CHL1: variants seen among roughly 807,000 people sequenced by gnomAD.
CHL1 encodes the protein neural cell adhesion molecule L1-like protein.
CHL1 carries 96 observed loss-of-function variants against 141.9 expected under a neutral mutation model. The observed-to-expected ratio is 0.68, with a 90% confidence interval of 0.57 to 0.80. The LOEUF (loss-of-function observed/expected upper bound fraction) is 0.80. Ranked by LOEUF, CHL1 falls within the 30% of genes least tolerant of loss-of-function variation. The pLI is 0.00. For missense variants in CHL1, 1,820 were observed against 1,457.2 expected, an observed-to-expected ratio of 1.25 and a Z score of -4.05; for synonymous variants, 613 against 502.2, an observed-to-expected ratio of 1.22 and a Z score of -2.95.
intron 2 of CHL1, among the ~76,000 whole-genome samples, chr3:299,744 C>T (rs1181093019): frequency 6.6e-6 from 1 of 152,166 alleles, no homozygotes; most frequent in African/African-American, 2.4e-5. Context: ...ACATTGTTCT[C>T]ACCTGACAGG....
intron 2 of CHL1, among the ~76,000 whole-genome samples, chr3:276,848 C>T (rs911989438): frequency 1.2e-4 from 18 of 146,454 alleles, no homozygotes; most frequent in African/African-American, 4.6e-4. Flanking sequence ...GAGATCATGC[C>T]ACTGCACTCC....
At chr3:390,126 C>G (rs1052693392) in intron 20 of CHL1, among the ~76,000 whole-genome samples, 1 of 152,176 alleles carries the variant, frequency 6.6e-6, no homozygotes, top group Non-Finnish European at 1.5e-5. Flanking sequence ...TCATTACTCA[C>G]CTGCCGTCTA....
chr3:314,264 T>A (rs73007590), intron 2 of CHL1, among the ~76,000 whole-genome samples: 2,652 of 142,800 alleles, frequency 0.019, 49 homozygotes, highest in Non-Finnish European at 0.032. Flanking sequence ...GCACCCCCAA[T>A]AGAAAGATTA....
Position 325,973 on chromosome 3 carries a change from A to G in CHL1, c.106A>G (p.Thr36Ala), listed in dbSNP as rs141761200. Residue 36 changes from threonine to alanine, a missense_variant, in exon 4 of 28, where the codon ACA becomes GCA. Transcript: ENST00000256509. ...TTAATATTTAGTTCAACAGGTTCCA[A>G]CAATCATAAAACAGTCAAAAGTCCA... ...EIPSSVQQVP[T>A]IIKQSKVQVA... The G allele has an allele frequency of 2.7e-5, 43 of 1,608,952 alleles. No homozygotes were observed. In the African/African-American group the frequency reaches 4.8e-4, roughly 18 times the overall value.
At chr3:298,726 T>C (rs1361803118) in intron 2 of CHL1, among the ~76,000 whole-genome samples, 1 of 152,072 alleles carries the variant, frequency 6.6e-6, no homozygotes, top group Non-Finnish European at 1.5e-5. Context: ...GGTCCCTTGG[T>C]GAAAAGAGAG....
At chr3:311,507 C>G (rs1446904964) in intron 2 of CHL1, among the ~76,000 whole-genome samples, 1 of 152,078 alleles carries the variant, frequency 6.6e-6, no homozygotes, top group African/African-American at 2.4e-5. Context: ...GGCTCCTGCC[C>G]ACTGGATGCA....
chr3:324,201 T>C (rs772629816), intron 3 of CHL1, among the ~76,000 whole-genome samples: 6 of 152,018 alleles, frequency 3.9e-5, no homozygotes, highest in Non-Finnish European at 7.4e-5. Flanking sequence ...AAACAGAGAG[T>C]GGTTCAGGGC....
intron 1 of CHL1, among the ~76,000 whole-genome samples, chr3:199,876 T>G (rs190823682): frequency 2.9e-4 from 44 of 152,346 alleles, no homozygotes; most frequent in African/African-American, 1.0e-3. Context: ...TGATTTAAGA[T>G]TCTTGTATTT....
Position 369,608 on chromosome 3 carries a change from G to A in CHL1, c.1751+3493G>A, listed in dbSNP as rs1365585252. Among the ~76,000 whole-genome samples, 4 of 152,116 alleles carry A rather than the reference G, an allele frequency of 2.6e-5. No homozygotes were observed. The East Asian group carries it at 7.7e-4, about 29-fold the overall frequency. On this transcript the variant is annotated intron_variant, in intron 15 of 27. Transcript: ENST00000256509. ...CTTTATTTTTTTCTTTTGCCTGATG[G>A]CCCTGGCCAGAACTTCCAATACTAT...
chr3:384,753 A>G (rs1361822155), intron 19 of CHL1: 3 of 152,236 alleles, frequency 2.0e-5, no homozygotes, highest in African/African-American at 4.8e-5. Flanking sequence ...GTGTAAACAT[A>G]GAACATTTTT....
At position 243,943 on chromosome 3, in the gene CHL1, C is replaced by T. The variant is rs1559328307; in HGVS notation, c.-174-670C>T. Among the ~76,000 whole-genome samples, 3 of 152,306 alleles carry T rather than the reference C, an allele frequency of 2.0e-5. No individual in the cohort carries two copies. The East Asian group carries it at 5.8e-4, about 29-fold the overall frequency. On this transcript the variant is annotated intron_variant, in intron 1 of 27. Transcript: ENST00000256509. ...TTTTAAAAGCATGTTCATGGGATGG[C>T]ATTCAAAAACAAGCTTAAGCAATCT...
At position 338,544 on chromosome 3, in the gene CHL1, C is replaced by A. The variant is rs575047108; in HGVS notation, c.386-2250C>A. 1.2e-4 allele frequency among the ~76,000 whole-genome samples: 18 copies of A among 151,982 alleles called. No individual in the cohort carries two copies. In the East Asian group the frequency reaches 3.5e-3, roughly 29 times the overall value. On this transcript the variant is annotated intron_variant, in intron 5 of 27. Coordinates refer to ENST00000256509, the MANE Select transcript of CHL1 (RefSeq NM_006614.4). ...GAGTGTTAAAATTTTCACTTTTTAT[C>A]GTGCCATCAAACTCACTAAATAGTT... is the stretch of plus-strand genomic sequence containing the variant.
At chr3:201,696 T>A (rs942156836) in intron 1 of CHL1, among the ~76,000 whole-genome samples, 2 of 152,186 alleles carry the variant, frequency 1.3e-5, no homozygotes, top group Admixed American at 1.3e-4. Context: ...GAATGATAAA[T>A]GCATTGAACT....
At chr3:209,287 G>A (rs1332189297) in intron 1 of CHL1, among the ~76,000 whole-genome samples, 2 of 152,216 alleles carry the variant, frequency 1.3e-5, no homozygotes, top group Non-Finnish European at 2.9e-5. Context: ...TGGAGCAGAT[G>A]AGGGAAATTT....
intron 1 of CHL1, among the ~76,000 whole-genome samples, chr3:235,398 T>A (rs1406849964): frequency 6.6e-6 from 1 of 152,132 alleles, no homozygotes; most frequent in Non-Finnish European, 1.5e-5. Flanking sequence ...CGTATCTACC[T>A]CATGGGTTGT....
chr3:300,343 G>A (rs1220648215), intron 2 of CHL1, among the ~76,000 whole-genome samples: 1 of 152,112 alleles, frequency 6.6e-6, no homozygotes, highest in African/African-American at 2.4e-5. Context: ...GTTGGGGGTA[G>A]CTTATAGGCA....
At chr3:276,702 A>G (rs1015452177) in intron 2 of CHL1, among the ~76,000 whole-genome samples, 7 of 151,916 alleles carry the variant, frequency 4.6e-5, no homozygotes, top group Non-Finnish European at 8.8e-5. Flanking sequence ...GTCCTGGCTA[A>G]CAGGGTGAAA....
At chr3:272,802 T>C (rs1177122087) in intron 2 of CHL1, among the ~76,000 whole-genome samples, 1 of 152,196 alleles carries the variant, frequency 6.6e-6, no homozygotes, top group Non-Finnish European at 1.5e-5. Flanking sequence ...ATTCAGTCTT[T>C]CATCCATCCA....
intron 2 of CHL1, among the ~76,000 whole-genome samples, chr3:264,372 A>T (rs1006310357): frequency 1.3e-5 from 2 of 152,142 alleles, no homozygotes; most frequent in Non-Finnish European, 2.9e-5. Flanking sequence ...TAGGAATAGG[A>T]GTATGTAGTT....
Sources: gnomAD v4.1 joint callset for allele counts (sites outside exome capture counted in the v4.1 genomes callset) on GRCh38, gnomAD v4.1.1 for gene constraint, MANE v1.5 for transcripts, NCBI Gene and HGNC (gene_info 2026-07-23, HGNC 2026-07-21) for gene names.